The following RPS6KC1 variants were observed in gnomAD, a reference collection of about 807,000 sequenced individuals.
The protein encoded by RPS6KC1 is inactive ribosomal protein S6 kinase delta-1.
A neutral mutation model predicts 103.8 loss-of-function variants in RPS6KC1; 54 were observed. The ratio of observed to expected loss-of-function variants is 0.52; its 90% CI spans 0.42 to 0.65. The LOEUF (loss-of-function observed/expected upper bound fraction) is 0.65. Ranked by LOEUF, RPS6KC1 falls within the 30% of genes least tolerant of loss-of-function variation. The probability of loss-of-function intolerance (pLI) is 0.00; values close to 1 mark genes in which losing one functional copy is unlikely to be tolerated. For missense variants in RPS6KC1, 1,151 were observed against 1,253.8 expected (o/e 0.92, Z 1.24); for synonymous variants, 439 against 438.7 (o/e 1.00, Z -0.01).
At chr1:213,646,095 G>A in the RPS6KC1 span, among the ~76,000 whole-genome samples, 2 of 152,174 alleles carry the variant, frequency 1.3e-5, no homozygotes, top group African/African-American at 4.8e-5. Context: ...AAAATGTTGT[G>A]TATATTTTAA....
chr1:213,338,251 C>A, the RPS6KC1 span, among the ~76,000 whole-genome samples: 2 of 152,178 alleles, frequency 1.3e-5, no homozygotes, highest in Admixed American at 6.5e-5. Flanking sequence ...TTCACTCCCC[C>A]TTATGTGATT....
At chr1:213,427,732 T>C in the RPS6KC1 span, among the ~76,000 whole-genome samples, 1 of 152,234 alleles carries the variant, frequency 6.6e-6, no homozygotes, top group African/African-American at 2.4e-5. Flanking sequence ...AAGTCTTTCT[T>C]GTGCCAAGAG....
chr1:213,151,739 C>T (rs1319105191), intron 6 of RPS6KC1, among the ~76,000 whole-genome samples: 1 of 130,866 alleles, frequency 7.6e-6, no homozygotes, highest in African/African-American at 3.0e-5. Flanking sequence ...GACCCCCCCA[C>T]CCATCTCCCT....
At chr1:213,674,676 G>C in the RPS6KC1 span, among the ~76,000 whole-genome samples, 1 of 152,164 alleles carries the variant, frequency 6.6e-6, no homozygotes, top group Non-Finnish European at 1.5e-5. Context: ...GGGATTGCTG[G>C]GTTGAATGGT....
At chr1:213,156,597 G>A (rs1382676574) in intron 6 of RPS6KC1, among the ~76,000 whole-genome samples, 2 of 152,000 alleles carry the variant, frequency 1.3e-5, no homozygotes, top group Admixed American at 1.3e-4. Flanking sequence ...GCAGGCAGAA[G>A]AAAAAAGACA....
the RPS6KC1 span, among the ~76,000 whole-genome samples, chr1:213,635,711 G>A: frequency 7.2e-5 from 11 of 152,294 alleles, no homozygotes; most frequent in African/African-American, 2.6e-4. Context: ...ACTGGCACAA[G>A]ACAGGGATGC....
chr1:213,698,937 G>A, the RPS6KC1 span, among the ~76,000 whole-genome samples: 37 of 151,724 alleles, frequency 2.4e-4, no homozygotes, highest in African/African-American at 8.0e-4. Flanking sequence ...TACATAGTAG[G>A]TGTATATATT....
the RPS6KC1 span, among the ~76,000 whole-genome samples, chr1:213,637,806 T>TTTTTC: frequency 1.5e-4 from 23 of 152,032 alleles, no homozygotes; most frequent in East Asian, 3.1e-3. Flanking sequence ...TCATTATGGC[T>TTTTTC]TTTTGTTTTG....
the RPS6KC1 span, among the ~76,000 whole-genome samples, chr1:213,463,341 C>T: frequency 4.6e-5 from 7 of 152,168 alleles, no homozygotes; most frequent in Admixed American, 3.3e-4. Flanking sequence ...CTTCACTTAT[C>T]AGCTGAGTGA....
chr1:213,514,104 T>A, the RPS6KC1 span, among the ~76,000 whole-genome samples: 7 of 152,274 alleles, frequency 4.6e-5, no homozygotes, highest in Non-Finnish European at 1.0e-4. Context: ...GGTCCTAGAC[T>A]ATTTTGACAA....
At chr1:213,500,551 T>G in the RPS6KC1 span, among the ~76,000 whole-genome samples, 1 of 152,206 alleles carries the variant, frequency 6.6e-6, no homozygotes, top group Non-Finnish European at 1.5e-5. Context: ...GTACCACACA[T>G]AATTGTATAT....
At chr1:213,360,545 C>A in the RPS6KC1 span, among the ~76,000 whole-genome samples, 1 of 152,228 alleles carries the variant, frequency 6.6e-6, no homozygotes, top group African/African-American at 2.4e-5. Context: ...CTGAAGCCTT[C>A]TTCTCTCAGC....
the RPS6KC1 span, among the ~76,000 whole-genome samples, chr1:213,313,270 A>G: frequency 1.3e-5 from 2 of 152,158 alleles, no homozygotes; most frequent in African/African-American, 2.4e-5. Flanking sequence ...GTGGCCACCA[A>G]TCCGCCCAGA....
At chr1:213,625,810 T>G in the RPS6KC1 span, among the ~76,000 whole-genome samples, 1 of 152,236 alleles carries the variant, frequency 6.6e-6, no homozygotes, top group Non-Finnish European at 1.5e-5. Context: ...GTGCCACATT[T>G]TCTTAATCCA....
At chr1:213,575,412 A>C in the RPS6KC1 span, among the ~76,000 whole-genome samples, 48 of 152,062 alleles carry the variant, frequency 3.2e-4, no homozygotes, top group Non-Finnish European at 6.6e-4. Context: ...CTGTGTCCCC[A>C]CCCAAATCTC....
the RPS6KC1 span, among the ~76,000 whole-genome samples, chr1:213,700,485 C>T: frequency 2.0e-5 from 3 of 151,496 alleles, no homozygotes; most frequent in South Asian, 6.2e-4. Flanking sequence ...GATCCCTACA[C>T]GTTTTTTGTT....
At chr1:213,716,626 C>T in the RPS6KC1 span, among the ~76,000 whole-genome samples, 1 of 152,174 alleles carries the variant, frequency 6.6e-6, no homozygotes, top group African/African-American at 2.4e-5. Flanking sequence ...CCCTTCTTCA[C>T]ACTTCTACAG....
At chr1:213,619,194 T>C in the RPS6KC1 span, among the ~76,000 whole-genome samples, 1 of 152,218 alleles carries the variant, frequency 6.6e-6, no homozygotes, top group South Asian at 2.1e-4. Context: ...CAGAATGTTA[T>C]CTAGATCTTC....
the RPS6KC1 span, among the ~76,000 whole-genome samples, chr1:213,751,754 CTTTACATATGAAGTA>C: frequency 6.6e-6 from 1 of 152,180 alleles, no homozygotes; most frequent in African/African-American, 2.4e-5. Flanking sequence ...GATATGAAGA[CTTTACATATGAAGTA>C]GAAATACAAA....
Sources: allele counts gnomAD v4.1 joint callset (sites outside exome capture counted in the v4.1 genomes callset), GRCh38; gene constraint gnomAD v4.1.1; transcripts MANE v1.5; gene names NCBI Gene and HGNC (gene_info 2026-07-23, HGNC 2026-07-21).